The following EPHB1 variants were observed in gnomAD, a reference collection of about 807,000 sequenced individuals.
EPHB1 encodes ephrin type-B receptor 1.
In EPHB1, 30 loss-of-function variants were observed where a neutral mutation model predicts 94.4. That is an observed-to-expected ratio of 0.32 (90% CI 0.24 to 0.43). The LOEUF is 0.43. EPHB1 is among the 20% of genes least tolerant of loss of function. The probability of loss-of-function intolerance (pLI) is 1.00; values close to 1 mark genes in which losing one functional copy is unlikely to be tolerated. For missense variants in EPHB1, 1,055 were observed against 1,308.3 expected (o/e 0.81, Z 2.99); for synonymous variants, 522 against 489.1 (o/e 1.07, Z -0.89).
At chr3:135,108,587 G>A (rs1939315983) in intron 4 of EPHB1, among the ~76,000 whole-genome samples, 1 of 152,176 alleles carries the variant, frequency 6.6e-6, no homozygotes, top group South Asian at 2.1e-4. Flanking sequence ...GCACCTCAAG[G>A]TGTCAAAGGG....
chr3:135,080,099 T>C (rs184168618), intron 3 of EPHB1, among the ~76,000 whole-genome samples: 2 of 152,338 alleles, frequency 1.3e-5, no homozygotes, highest in African/African-American at 4.8e-5. Context: ...ATTGTCACTG[T>C]AGCAACGCTG....
At chr3:135,107,849 T>A (rs1288686014) in intron 4 of EPHB1, among the ~76,000 whole-genome samples, 2 of 152,148 alleles carry the variant, frequency 1.3e-5, no homozygotes, top group African/African-American at 4.8e-5. Context: ...TACAGACCTC[T>A]CTCTCTGTGG....
chr3:134,833,189 G>A (rs537967895), intron 1 of EPHB1, among the ~76,000 whole-genome samples: 3 of 152,250 alleles, frequency 2.0e-5, no homozygotes, highest in African/African-American at 4.8e-5. Flanking sequence ...GACTCTCAGC[G>A]CCCCCATAAG....
intron 7 of EPHB1, among the ~76,000 whole-genome samples, chr3:135,164,080 CAA>C (rs1258330962): frequency 1.3e-5 from 2 of 152,172 alleles, no homozygotes; most frequent in African/African-American, 4.8e-5. Flanking sequence ...AAAAATCATT[CAA>C]GTTTCATATT....
intron 1 of EPHB1, among the ~76,000 whole-genome samples, chr3:134,824,121 T>A (rs2036430902): frequency 7.1e-6 from 1 of 140,926 alleles, no homozygotes; most frequent in African/African-American, 2.8e-5. Context: ...AAAAGGATAA[T>A]GCCCTTTTTT....
intron 3 of EPHB1, among the ~76,000 whole-genome samples, chr3:134,956,987 G>T (rs1421881900): frequency 6.6e-6 from 1 of 152,120 alleles, no homozygotes; most frequent in Non-Finnish European, 1.5e-5. Flanking sequence ...TTCCTCAACT[G>T]ATCAAAGGGC....
At chr3:135,177,486 G>A (rs1942015076) in intron 9 of EPHB1, among the ~76,000 whole-genome samples, 1 of 152,116 alleles carries the variant, frequency 6.6e-6, no homozygotes, top group South Asian at 2.1e-4. Flanking sequence ...CCAATTGTGT[G>A]GAAATATCAC....
chr3:135,006,479 G>A (rs1935420170), intron 3 of EPHB1, among the ~76,000 whole-genome samples: 1 of 152,200 alleles, frequency 6.6e-6, no homozygotes, highest in South Asian at 2.1e-4. Context: ...TAAATATTTA[G>A]TTACAGTATT....
At chr3:135,210,301 C>T (rs1440539518) in intron 12 of EPHB1, among the ~76,000 whole-genome samples, 1 of 152,096 alleles carries the variant, frequency 6.6e-6, no homozygotes, top group East Asian at 1.9e-4. Context: ...CTTGTTTAAA[C>T]ATTTTGACTT....
intron 4 of EPHB1, among the ~76,000 whole-genome samples, chr3:135,120,420 G>A (rs547377985): frequency 6.6e-6 from 1 of 152,250 alleles, no homozygotes; most frequent in Admixed American, 6.5e-5. Flanking sequence ...GTGTAGTGGT[G>A]GGAATAGTGA....
At chr3:135,107,259 T>C (rs936511247) in intron 4 of EPHB1, among the ~76,000 whole-genome samples, 3 of 152,146 alleles carry the variant, frequency 2.0e-5, no homozygotes, top group African/African-American at 7.2e-5. Flanking sequence ...TCCCATTATA[T>C]AATATAGAGG....
chr3:134,889,862 T>G (rs1346191624), intron 1 of EPHB1, among the ~76,000 whole-genome samples: 3 of 151,750 alleles, frequency 2.0e-5, no homozygotes, highest in African/African-American at 7.3e-5. Context: ...GTATTTTTAG[T>G]AGAGACAGGG....
intron 5 of EPHB1, among the ~76,000 whole-genome samples, chr3:135,137,971 T>C (rs542703720): frequency 6.6e-6 from 1 of 152,318 alleles, no homozygotes; most frequent in South Asian, 2.1e-4. Context: ...AGTGAGCTAA[T>C]GATGAGGTAG....
intron 3 of EPHB1, among the ~76,000 whole-genome samples, chr3:135,041,955 G>A (rs762990559): frequency 5.9e-5 from 9 of 152,132 alleles, no homozygotes; most frequent in Non-Finnish European, 1.3e-4. Context: ...TATTTTCTGA[G>A]ACAGGGTCTC....
At chr3:134,953,376 C>T (rs1933113338) in intron 3 of EPHB1, among the ~76,000 whole-genome samples, 1 of 152,242 alleles carries the variant, frequency 6.6e-6, no homozygotes, top group South Asian at 2.1e-4. Context: ...ATTTCTTGGT[C>T]CTGGTACCCA....
chr3:135,057,101 T>C (rs1937371891), intron 3 of EPHB1, among the ~76,000 whole-genome samples: 1 of 152,150 alleles, frequency 6.6e-6, no homozygotes, highest in Non-Finnish European at 1.5e-5. Context: ...CTGCTGCCTC[T>C]GCTCCCAGAA....
intron 12 of EPHB1, among the ~76,000 whole-genome samples, chr3:135,238,116 A>C (rs1394320902): frequency 6.6e-6 from 1 of 152,216 alleles, no homozygotes; most frequent in African/African-American, 2.4e-5. Flanking sequence ...ATTACCTCTG[A>C]GCACCAGAAG....
At chr3:135,132,596 G>A in intron 4 of EPHB1, 118 bp from the exon 5 acceptor site, 1 of 832,414 alleles carries the variant, frequency 1.2e-6, no homozygotes, top group East Asian at 2.7e-5. Flanking sequence ...TGGGGTTGAG[G>A]AAGGAGTGGG....
chr3:135,095,131 G>C (rs1938710628), intron 3 of EPHB1, among the ~76,000 whole-genome samples: 1 of 152,128 alleles, frequency 6.6e-6, no homozygotes, highest in Admixed American at 6.6e-5. Context: ...CAAAGTTATA[G>C]GGACAGGGAG....
Sources: gnomAD v4.1 joint callset for allele counts (sites outside exome capture counted in the v4.1 genomes callset) on GRCh38, gnomAD v4.1.1 for gene constraint, MANE v1.5 for transcripts, NCBI Gene and HGNC (gene_info 2026-07-23, HGNC 2026-07-21) for gene names.